Variants in TRIM3 observed in about 807,000 individuals in gnomAD.
TRIM3 encodes the protein tripartite motif-containing protein 3.
In TRIM3, 13 loss-of-function variants were observed where a neutral mutation model predicts 66.6. The observed-to-expected ratio is 0.20, with a 90% CI of 0.13 to 0.31. TRIM3 has a LOEUF of 0.31. Among genes scored for constraint, TRIM3 ranks in the 10% least tolerant of loss-of-function variants. The pLI is 1.00. For synonymous variants in TRIM3, 406 were observed against 411.7 expected (o/e 0.99, Z 0.17); for missense variants, 711 against 1,020.4 (o/e 0.70, Z 4.13).
chr11:6,473,973 A>G (rs1040176711), upstream of TRIM3: 34 of 150,814 alleles, frequency 2.3e-4, no homozygotes, highest in Middle Eastern at 0.014. Flanking sequence ...GGGGCTGCGG[A>G]CCGGCCGGGG....
chr11:6,465,006 A>G (rs1850395190), intron 2 of TRIM3, among the ~76,000 whole-genome samples: 1 of 151,786 alleles, frequency 6.6e-6, no homozygotes, highest in South Asian at 2.1e-4. Flanking sequence ...AAAAAAAAAA[A>G]AAAAAGAGTA....
At chr11:6,472,761 T>A (rs1026224734) in intron 1 of TRIM3, among the ~76,000 whole-genome samples, 2 of 152,202 alleles carry the variant, frequency 1.3e-5, no homozygotes, top group Admixed American at 6.5e-5. Context: ...AAGAGAGACC[T>A]CTGCTTAATA....
At position 6,457,442 on chromosome 11, in the gene TRIM3, C is replaced by T. The variant is rs777600054; in HGVS notation, c.550G>A (p.Gly184Arg). The change falls in exon 5 of 12, where the codon GGG becomes AGG. Residue 184 changes from glycine (G) to arginine (R), a missense_variant. Gly to Arg is a moderately radical substitution (Grantham distance 125). This residue lies in a region of TRIM3 where 399 missense variants were observed against 458.1 expected (regional missense o/e 0.87). Coordinates refer to ENST00000345851, the MANE Select transcript of TRIM3 (RefSeq NM_033278.4). This position sits in a 1 kb window ranked among gnomAD's most constrained non-coding sequence, Gnocchi z 4.5. ...TCCTGCAGCTGCTGGCTGATGCCCCCGACTAAGGCAATTGCTGCGGACAGC... is the reference window on the plus strand; with the variant it reads ...TCCTGCAGCTGCTGGCTGATGCCCCTGACTAAGGCAATTGCTGCGGACAGC... Reference protein sequence around the residue: ...PQLSAAIALVGGISQQLQERK... With the variant: ...PQLSAAIALVRGISQQLQERK... 14 of 1,613,106 alleles carry T rather than the reference C, an allele frequency of 8.7e-6. No individual in the cohort carries two copies. In the East Asian group the frequency reaches 1.8e-4, roughly 21 times the overall value.
intron 2 of TRIM3, among the ~76,000 whole-genome samples, chr11:6,459,511 A>G (rs1850132958): frequency 6.6e-6 from 1 of 152,242 alleles, no homozygotes. Context: ...CTTTCTGATT[A>G]CGTTTCTGTT....
At position 6,456,324 on chromosome 11, in the gene TRIM3, T is replaced by C. The variant is rs866128376; in HGVS notation, c.1402A>G (p.Ile468Val). ...STGGKRKDNPIEDELVFRVGS... is the reference protein window; with the variant it reads ...STGGKRKDNPVEDELVFRVGS... ...ACACGGAAGACGAGCTCATCCTCAATTGGGTTGTCCTTTCGTTTGCCGCCT... is the reference window on the plus strand; with the variant it reads ...ACACGGAAGACGAGCTCATCCTCAACTGGGTTGTCCTTTCGTTTGCCGCCT... Residue 468 changes from isoleucine to valine, a missense_variant, in exon 6 of 12, where the codon ATT becomes GTT. Ile to Val is a conservative substitution (Grantham distance 29). Transcript: ENST00000345851. This position sits in a 1 kb window ranked among gnomAD's most constrained non-coding sequence, Gnocchi z 6.4. 2.6e-6 allele frequency: 4 copies of C among 1,547,512 alleles called. No individual in the cohort carries two copies. The highest frequency in any genetic ancestry group is 1.9e-5 in the Admixed American group (1 of 53,906).
Position 6,456,142 on chromosome 11 carries a change from T to C in TRIM3, c.1463A>G (p.Asn488Ser), listed in dbSNP as rs1425229219. The C allele has an allele frequency of 6.8e-6, 11 of 1,614,038 alleles. No homozygotes were observed. The highest frequency in any genetic ancestry group is 4.0e-5 in the African/African-American group (3 of 74,894). The stretch of plus-strand genomic sequence containing the variant: ...GCTGGCTGCGGACACACCTTGTAAA[T>C]TGGTGAATTCACCTTTCTCCCTTCC... Reference protein sequence around the residue: ...SRGREKGEFTNLQGVSAASSG... With the variant: ...SRGREKGEFTSLQGVSAASSG... Residue 488 changes from asparagine (N) to serine (S), a missense_variant, in exon 7 of 12, where the codon AAT becomes AGT. Asn to Ser is a conservative substitution (Grantham distance 46). Coordinates refer to ENST00000345851, the MANE Select transcript of TRIM3 (RefSeq NM_033278.4). This position sits in a 1 kb window ranked among gnomAD's most constrained non-coding sequence, Gnocchi z 6.4.
At position 6,458,134 on chromosome 11, in the gene TRIM3, G is replaced by A; in HGVS notation, c.294C>T (p.Asp98=). Residue 98 remains aspartate (D), a synonymous_variant, in exon 3 of 12, where the codon GAC becomes GAT. Transcript: ENST00000345851. The surrounding 1 kb of genome is among the most constrained non-coding windows in gnomAD (Gnocchi z 6.2). ...AMQQAPDGAH[D]PEDPHPLSVV... is the part of the protein sequence containing the mutation. ...CACTGAGGGGGTGGGGGTCCTCCGG[G>A]TCGTGGGCCCCATCAGGTGCCTGCT... 2 of 1,613,974 alleles carry A rather than the reference G, an allele frequency of 1.2e-6. No individual in the cohort carries two copies. Among genetic ancestry groups the A allele is most frequent in the Non-Finnish European group, 1.7e-6 (2 of 1,180,020 alleles).
At chr11:6,462,242 C>G (rs933844748) in intron 2 of TRIM3, among the ~76,000 whole-genome samples, 11 of 151,910 alleles carry the variant, frequency 7.2e-5, no homozygotes, top group African/African-American at 2.7e-4. Context: ...CTCTCGTTTT[C>G]TTGATTGCTT....
chr11:6,448,917 C>A lies in TRIM3; in HGVS notation c.*111G>T. 1 of 1,407,180 alleles carries A rather than the reference C, an allele frequency of 7.1e-7. No individual in the cohort carries two copies. The highest frequency in any genetic ancestry group is 1.8e-5 in the Admixed American group (1 of 56,650). The allele number at this position is 1,407,180 out of a possible 1,614,324, so 87.2% of individuals were successfully genotyped here. On this transcript the variant is annotated 3_prime_UTR_variant, in exon 12 of 12. Transcript: ENST00000345851. ...AGGGAGGGCACCGGGTGCACCCATG[C>A]CCACAGCCCACATTCAGTGCTGCCA...
At position 6,449,499 on chromosome 11, in the gene TRIM3, G is replaced by A. The variant is rs913899897; in HGVS notation, c.1942-53C>T. ...GGACCTGGCCTCAGGCAGAGGGTAG[G>A]GCTTTGGAGGAGGATAGGGTGAAGC... On this transcript the variant is annotated intron_variant, in intron 10 of 11. Coordinates refer to ENST00000345851, the MANE Select transcript of TRIM3 (RefSeq NM_033278.4). The surrounding 1 kb of genome is among the most constrained non-coding windows in gnomAD (Gnocchi z 5.3). The A allele has an allele frequency of 1.9e-6, 3 of 1,563,814 alleles. No individual in the cohort carries two copies. Among genetic ancestry groups the A allele is most frequent in the Admixed American group, 1.8e-5 (1 of 56,642 alleles).
chr11:6,469,353 T>G lies in TRIM3; in HGVS notation c.-37-3621A>C, dbSNP rs185640983. Reference sequence around the variant, plus strand: ...TCCTGCTTCAGTTCCCCTCCCAGACTTACTGGGCATGCAGCCGCTGAGGCC... The same window carrying G: ...TCCTGCTTCAGTTCCCCTCCCAGACGTACTGGGCATGCAGCCGCTGAGGCC... On this transcript the variant is annotated intron_variant, in intron 1 of 11. Coordinates refer to ENST00000345851, the MANE Select transcript of TRIM3 (RefSeq NM_033278.4). Among the ~76,000 whole-genome samples the G allele has an allele frequency of 5.1e-4, 77 of 152,280 alleles. 1 individual carries two copies. Among genetic ancestry groups the G allele is most frequent in the African/African-American group, 1.7e-3 (72 of 41,558 alleles).
intron 7 of TRIM3, 35 bp from the exon 8 acceptor site, chr11:6,451,473 G>A (rs557449284): frequency 1.9e-6 from 3 of 1,609,552 alleles, no homozygotes; most frequent in Non-Finnish European, 2.5e-6. Context: ...GAGCAGGTAG[G>A]AGGGGAGACA....
At chr11:6,466,918 CATTTTATTTATTTATTTAT>C (rs1850496252) in intron 1 of TRIM3, among the ~76,000 whole-genome samples, 1 of 152,164 alleles carries the variant, frequency 6.6e-6, no homozygotes, top group Admixed American at 6.5e-5. Flanking sequence ...TGAGGATAGG[CATTTTATTTATTTATTTAT>C]ATTTTATTTT....
At chr11:6,453,969 G>C (rs1849854749) in intron 7 of TRIM3, among the ~76,000 whole-genome samples, 1 of 152,232 alleles carries the variant, frequency 6.6e-6, no homozygotes, top group Non-Finnish European at 1.5e-5. Flanking sequence ...GCTCCTAGCA[G>C]TGGCGACATA....
chr11:6,456,483 G>C lies in TRIM3; in HGVS notation c.1243C>G (p.Arg415Gly). 6.4e-7 allele frequency: 1 copy of C among 1,558,772 alleles called. No homozygotes were observed. The highest frequency in any genetic ancestry group is 1.7e-4 in the Middle Eastern group (1 of 5,786). ...YGQPVRGSPF[R>G]VRALRPGDLP... ...TCCCCCGGACGCAGGGCACGCACGC[G>C]GAAGGGGCTGCCGCGCACTGGCTGT... The change falls in exon 6 of 12, where the codon CGC becomes GGC. Residue 415 changes from arginine to glycine, a missense_variant. By Grantham distance (125) the Arg-to-Gly change is moderately radical. Transcript: ENST00000345851. The surrounding 1 kb of genome is among the most constrained non-coding windows in gnomAD (Gnocchi z 6.4).
In TRIM3 at chr11:6,449,308, G is replaced by A; in HGVS notation, c.2080C>T (p.Gln694Ter). The A allele has an allele frequency of 6.2e-7, 1 of 1,613,868 alleles. No homozygotes were observed. Among genetic ancestry groups the A allele is most frequent in the South Asian group, 1.1e-5 (1 of 91,046 alleles). The change falls in exon 11 of 12, where the codon CAG becomes TAG. Residue 694 changes from glutamine (Q) to a stop codon, truncating the protein, a stop_gained and splice_region_variant. Coordinates refer to ENST00000345851, the MANE Select transcript of TRIM3 (RefSeq NM_033278.4). LOFTEE classifies it high-confidence loss of function. The surrounding 1 kb of genome is among the most constrained non-coding windows in gnomAD (Gnocchi z 5.3). ...TGTCATTCCCAGGCCTTACTCACCT[G>A]GATGCGGCTGTTGCCCCAGTCAGCC... ...IVADWGNSRI[Q>*]VFDSSGSFLS...
chr11:6,457,532 C>T lies in TRIM3; in HGVS notation c.516-56G>A. 6.3e-7 allele frequency: 1 copy of T among 1,591,084 alleles called. No individual in the cohort carries two copies. Among genetic ancestry groups the T allele is most frequent in the African/African-American group, 1.3e-5 (1 of 74,696 alleles). On this transcript the variant is annotated intron_variant, in intron 4 of 11. Transcript: ENST00000345851. This position sits in a 1 kb window ranked among gnomAD's most constrained non-coding sequence, Gnocchi z 4.5. ...CTGAGGGTGGCTTTGCCGAACTTTC[C>T]CTTCTCCCTGGGGAACCTACTGCTG...
intron 2 of TRIM3, among the ~76,000 whole-genome samples, chr11:6,463,936 A>G (rs918013728): frequency 7.2e-5 from 11 of 152,332 alleles, no homozygotes; most frequent in Middle Eastern, 3.4e-3. Flanking sequence ...CTGGAATCTC[A>G]AAGAGCAGGG....
chr11:6,454,044 G>C (rs1169793689), intron 7 of TRIM3, among the ~76,000 whole-genome samples: 1 of 152,186 alleles, frequency 6.6e-6, no homozygotes, highest in Non-Finnish European at 1.5e-5. Flanking sequence ...TTGGAAGAGA[G>C]TGGAGCTATA....
Sources: gnomAD v4.1 joint callset for allele counts (sites outside exome capture counted in the v4.1 genomes callset) on GRCh38, gnomAD v4.1.1 for gene constraint, gnomAD v4.1.1 regional missense constraint, Gnocchi (gnomAD v3.1) non-coding constraint, MANE v1.5 for transcripts, NCBI Gene and HGNC (gene_info 2026-07-23, HGNC 2026-07-21) for gene names.